RBFOX1: variants seen among roughly 807,000 people sequenced by gnomAD.
RBFOX1 encodes RNA binding fox-1 homolog 1.
Under a neutral mutation model 57.7 loss-of-function variants are expected in RBFOX1, and 8 were observed. The observed-to-expected ratio is 0.14, with a 90% CI of 0.08 to 0.25. RBFOX1 has a LOEUF of 0.25. Ranked by LOEUF, RBFOX1 falls within the 10% of genes least tolerant of loss-of-function variation. The pLI is 1.00. For synonymous variants in RBFOX1, 326 were observed against 222.4 expected, an observed-to-expected ratio of 1.47 and a Z score of -4.15; for missense variants, 611 against 548.5, an observed-to-expected ratio of 1.11 and a Z score of -1.14.
chr16:5,314,722 A>G (rs910673601), intron 1 of RBFOX1, among the ~76,000 whole-genome samples: 2 of 151,930 alleles, frequency 1.3e-5, no homozygotes, highest in Non-Finnish European at 2.9e-5. Flanking sequence ...GCTGGCCTTG[A>G]ACTTCTAGAC....
chr16:7,128,581 G>A (rs1046887843), intron 4 of RBFOX1, among the ~76,000 whole-genome samples: 1 of 152,128 alleles, frequency 6.6e-6, no homozygotes, highest in Non-Finnish European at 1.5e-5. Context: ...ATGCAGAAGG[G>A]GCAAAGGTAC....
At chr16:7,167,597 G>A (rs13333825) in intron 4 of RBFOX1, among the ~76,000 whole-genome samples, 1 of 152,136 alleles carries the variant, frequency 6.6e-6, no homozygotes, top group African/African-American at 2.4e-5. Flanking sequence ...AGAACTGACA[G>A]AGAATACATT....
intron 14 of RBFOX1, among the ~76,000 whole-genome samples, chr16:7,698,273 A>G (rs539817998): frequency 6.6e-6 from 1 of 152,030 alleles, no homozygotes; most frequent in African/African-American, 2.4e-5. Context: ...CCCTTCCACC[A>G]TGCCAGGACC....
intron 3 of RBFOX1, among the ~76,000 whole-genome samples, chr16:5,692,806 G>T (rs1237304737): frequency 6.6e-6 from 1 of 152,096 alleles, no homozygotes; most frequent in Non-Finnish European, 1.5e-5. Context: ...CAGGCAAGAG[G>T]GTTGTGCTCA....
chr16:5,350,066 T>C (rs1379532988), intron 1 of RBFOX1, among the ~76,000 whole-genome samples: 1 of 152,210 alleles, frequency 6.6e-6, no homozygotes, highest in Non-Finnish European at 1.5e-5. Flanking sequence ...TGAGAGGAAA[T>C]GAAAGCCTGG....
rs150265450 is a variant in RBFOX1, at chr16:7,041,986, T to C, written c.-15-10071T>C. ...TATGGCTAACGTTACTTAGGAGATGTTCAAGGACTGGACTTCCTTAGTCTG... is the reference window on the plus strand; with the variant it reads ...TATGGCTAACGTTACTTAGGAGATGCTCAAGGACTGGACTTCCTTAGTCTG... On this transcript the variant is annotated intron_variant, in intron 3 of 15. Transcript: ENST00000550418. Among the ~76,000 whole-genome samples the C allele has an allele frequency of 3.1e-3, 474 of 152,296 alleles. 4 individuals are homozygous for C. Among genetic ancestry groups the C allele is most frequent in the African/African-American group, 8.6e-3 (359 of 41,576 alleles).
chr16:7,180,830 A>G (rs898737216), intron 4 of RBFOX1, among the ~76,000 whole-genome samples: 36 of 152,152 alleles, frequency 2.4e-4, no homozygotes, highest in African/African-American at 8.7e-4. Flanking sequence ...CATGTGTCAG[A>G]TTTAGGATTT....
At chr16:6,859,555 G>A (rs1166877887) in intron 3 of RBFOX1, among the ~76,000 whole-genome samples, 1 of 151,810 alleles carries the variant, frequency 6.6e-6, no homozygotes, top group Non-Finnish European at 1.5e-5. Context: ...GCTGCCTGTG[G>A]AAATCTGAAT....
At chr16:5,909,054 T>C (rs1465467862) in intron 4 of RBFOX1, among the ~76,000 whole-genome samples, 1 of 151,858 alleles carries the variant, frequency 6.6e-6, no homozygotes, top group Non-Finnish European at 1.5e-5. Flanking sequence ...TAGTTCATGG[T>C]ATTTTATTAT....
chr16:6,913,177 G>T (rs2072155904), intron 3 of RBFOX1, among the ~76,000 whole-genome samples: 1 of 151,924 alleles, frequency 6.6e-6, no homozygotes, highest in South Asian at 2.1e-4. Flanking sequence ...TTTTTCCTGT[G>T]GGTTACTTGA....
intron 3 of RBFOX1, among the ~76,000 whole-genome samples, chr16:5,856,605 A>ATATATATATATATATATATATAT (rs57978858): frequency 4.5e-4 from 33 of 73,994 alleles, no homozygotes; most frequent in Non-Finnish European, 5.2e-4. Flanking sequence ...ATATATATAT[A>ATATATATATATATATATATATAT]ATCTTAGCCA....
chr16:6,621,081 A>G (rs1232199974), intron 2 of RBFOX1, among the ~76,000 whole-genome samples: 1 of 152,196 alleles, frequency 6.6e-6, no homozygotes, highest in East Asian at 1.9e-4. Flanking sequence ...TTATAGCCAC[A>G]TCATTTCAAT....
At chr16:7,317,304 T>G (rs1257569303) in intron 4 of RBFOX1, among the ~76,000 whole-genome samples, 1 of 152,122 alleles carries the variant, frequency 6.6e-6, no homozygotes, top group African/African-American at 2.4e-5. Flanking sequence ...CAGGCTTTGG[T>G]GAAGTCAGGT....
At chr16:6,559,890 C>T (rs1462307798) in intron 2 of RBFOX1, among the ~76,000 whole-genome samples, 1 of 152,090 alleles carries the variant, frequency 6.6e-6, no homozygotes, top group Non-Finnish European at 1.5e-5. Context: ...AAACAAGAAC[C>T]TCTGGTTCCT....
At chr16:5,778,347 G>C (rs548990980) in intron 3 of RBFOX1, among the ~76,000 whole-genome samples, 69 of 152,236 alleles carry the variant, frequency 4.5e-4, no homozygotes, top group African/African-American at 1.4e-3. Context: ...TTGCAAGACA[G>C]GACCCCCGAC....
At chr16:6,589,458 C>T (rs960288204) in intron 2 of RBFOX1, among the ~76,000 whole-genome samples, 1 of 152,162 alleles carries the variant, frequency 6.6e-6, no homozygotes, top group Non-Finnish European at 1.5e-5. Flanking sequence ...AGATGAGTCA[C>T]TTCCTCGGTG....
At chr16:7,676,704 G>C (rs952014720) in intron 13 of RBFOX1, 70 bp from the exon 14 acceptor site, 9 of 1,328,782 alleles carry the variant, frequency 6.8e-6, no homozygotes, top group Admixed American at 6.8e-5. Flanking sequence ...CTCTGGTGTG[G>C]TCTTGCCACT....
At chr16:5,263,286 T>A (rs1193459649) in intron 1 of RBFOX1, among the ~76,000 whole-genome samples, 2 of 152,090 alleles carry the variant, frequency 1.3e-5, no homozygotes, top group Non-Finnish European at 2.9e-5. Flanking sequence ...ACAAAAATAA[T>A]TGCTGTTTTT....
chr16:5,442,963 G>C (rs2068129188), intron 1 of RBFOX1, among the ~76,000 whole-genome samples: 1 of 152,118 alleles, frequency 6.6e-6, no homozygotes, highest in African/African-American at 2.4e-5. Context: ...AGACACAGGG[G>C]GACAAACATG....
Sources: gnomAD v4.1 joint callset for allele counts (sites outside exome capture counted in the v4.1 genomes callset) on GRCh38, gnomAD v4.1.1 for gene constraint, MANE v1.5 for transcripts, NCBI Gene and HGNC (gene_info 2026-07-23, HGNC 2026-07-21) for gene names.